HK2: variants seen among roughly 807,000 people sequenced by gnomAD.
HK2 encodes the protein hexokinase 2, also known as hexokinase-2.
A neutral mutation model predicts 92.9 loss-of-function variants in HK2; 42 were observed. That is an observed-to-expected ratio of 0.45 (90% confidence interval 0.35 to 0.58). HK2 has a LOEUF of 0.58. HK2 is among the 20% of genes least tolerant of loss of function. The pLI, the probability that HK2 is intolerant of heterozygous loss-of-function variation, is 0.00. For missense variants in HK2, 978 were observed against 1,245.1 expected (o/e 0.79, Z 3.23); for synonymous variants, 422 against 468.0 (o/e 0.90, Z 1.27).
Position 74,891,411 on chromosome 2 carries a change from T to G in HK2, c.*470T>G, listed in dbSNP as rs1689674338. ...TGAGGATGTGAGCCTGATTATCCTA[T>G]AGGCAGACGTGGGGAGGGTGGAGGG... is the stretch of plus-strand genomic sequence containing the variant. On this transcript the variant is annotated 3_prime_UTR_variant, in exon 18 of 18. Coordinates refer to ENST00000290573, the MANE Select transcript of HK2 (RefSeq NM_000189.5). The G allele has an allele frequency of 5.1e-6, 1 of 197,538 alleles. No homozygotes were observed. Among genetic ancestry groups the G allele is most frequent in the Non-Finnish European group, 1.1e-5 (1 of 94,300 alleles). 12.2% of individuals were successfully genotyped at this position (197,538 alleles called of 1,614,324 possible). A position where few individuals can be genotyped will look rare whatever the true frequency, so the allele number is the denominator to read the frequency against.
chr2:74,864,651 G>A (rs1019538322), intron 2 of HK2, among the ~76,000 whole-genome samples: 8 of 152,024 alleles, frequency 5.3e-5, no homozygotes, highest in African/African-American at 1.4e-4. Flanking sequence ...GGATTACAGG[G>A]CTACGCCACC....
At chr2:74,836,955 A>G (rs1490909635) in intron 1 of HK2, among the ~76,000 whole-genome samples, 2 of 152,208 alleles carry the variant, frequency 1.3e-5, no homozygotes, top group South Asian at 2.1e-4. Context: ...CACCTGCCCA[A>G]CGAGGTCACT....
At chr2:74,840,840 A>C (rs1688294913) in intron 1 of HK2, among the ~76,000 whole-genome samples, 1 of 143,508 alleles carries the variant, frequency 7.0e-6, no homozygotes, top group Non-Finnish European at 1.5e-5. Flanking sequence ...GATCGCACCA[A>C]TGCACTCCAG....
rs1036916807 is a variant in HK2 at position 74,893,256 on chromosome 2, G to A, written c.*2315G>A. The A allele has an allele frequency of 6.6e-6, 1 of 152,162 alleles. No homozygotes were observed. Among genetic ancestry groups the A allele is most frequent in the Admixed American group, 6.5e-5 (1 of 15,288 alleles). 9.4% of individuals were successfully genotyped at this position (152,162 alleles called of 1,614,324 possible). ...ATCATCTCAAATCCTTGAGCACTCA[G>A]TCTAGTGAAGATGTTGTCATTATGT... On this transcript the variant is annotated 3_prime_UTR_variant, in exon 18 of 18. Coordinates refer to ENST00000290573, the MANE Select transcript of HK2 (RefSeq NM_000189.5).
intron 1 of HK2, among the ~76,000 whole-genome samples, chr2:74,843,141 G>T (rs983111849): frequency 6.6e-6 from 1 of 152,072 alleles, no homozygotes; most frequent in South Asian, 2.1e-4. Context: ...TGGCCCCACC[G>T]ACCCCTGGAA....
Position 74,834,653 on chromosome 2 carries a change from C to A in HK2, c.63+10C>A, listed in dbSNP as rs1688105718. On this transcript the variant is annotated intron_variant, in intron 1 of 17. Coordinates refer to ENST00000290573, the MANE Select transcript of HK2 (RefSeq NM_000189.5). This position sits in a 1 kb window ranked among gnomAD's most constrained non-coding sequence, Gnocchi z 4.2. ...TGACCAAGTGCAGAAGGTAAGTCAG[C>A]GCGGGCGGGGCGGCAGGCTGGGCTC... 1.9e-6 allele frequency: 3 copies of A among 1,613,728 alleles called. No homozygotes were observed. Among genetic ancestry groups the A allele is most frequent in the African/African-American group, 1.3e-5 (1 of 74,932 alleles).
chr2:74,834,574 C>T lies in HK2; in HGVS notation c.-7C>T, dbSNP rs781594233. ...TTCCCAACTCTGCGCCGTCGGGCCG[C>T]GGCAGGATGATTGCCTCGCATCTGC... is the stretch of plus-strand genomic sequence containing the variant. On this transcript the variant is annotated 5_prime_UTR_variant, in exon 1 of 18. Transcript: ENST00000290573. This position sits in a 1 kb window ranked among gnomAD's most constrained non-coding sequence, Gnocchi z 4.2. 6.2e-7 allele frequency: 1 copy of T among 1,613,852 alleles called. No individual in the cohort carries two copies. Among genetic ancestry groups the T allele is most frequent in the South Asian group, 1.1e-5 (1 of 91,088 alleles).
chr2:74,876,470 T>C (rs1320877783), intron 7 of HK2, among the ~76,000 whole-genome samples: 1 of 152,208 alleles, frequency 6.6e-6, no homozygotes, highest in Non-Finnish European at 1.5e-5. Context: ...TGCCACCTAG[T>C]GTTAAAATTA....
chr2:74,871,985 T>C (rs1380523375), intron 3 of HK2, among the ~76,000 whole-genome samples: 9 of 152,202 alleles, frequency 5.9e-5, no homozygotes, highest in Non-Finnish European at 1.3e-4. Context: ...TTCTGATTAA[T>C]GTTGGCCATG....
At chr2:74,864,464 C>T (rs1452831075) in intron 2 of HK2, among the ~76,000 whole-genome samples, 1 of 152,080 alleles carries the variant, frequency 6.6e-6, no homozygotes, top group Non-Finnish European at 1.5e-5. Context: ...GATCTATTAA[C>T]GGAGGAATAA....
intron 4 of HK2, 144 bp from the exon 5 acceptor site, chr2:74,873,132 A>C: frequency 5.5e-6 from 4 of 725,416 alleles, no homozygotes; most frequent in Non-Finnish European, 1.0e-5. Context: ...TCTTTTTCCT[A>C]GGCTAGCCAG....
intron 12 of HK2, among the ~76,000 whole-genome samples, chr2:74,884,490 C>T (rs943633622): frequency 6.6e-6 from 1 of 152,220 alleles, no homozygotes; most frequent in African/African-American, 2.4e-5. Flanking sequence ...ACATGTGAAG[C>T]TAACTTGTAG....
chr2:74,866,977 A>G (rs941912708), intron 2 of HK2, among the ~76,000 whole-genome samples: 6 of 152,110 alleles, frequency 3.9e-5, no homozygotes, highest in African/African-American at 1.5e-4. Context: ...ATATGCAAAC[A>G]TTAGAAAGTA....
intron 5 of HK2, 91 bp from the exon 6 acceptor site, chr2:74,873,753 A>AGGAGGAG (rs1689157404): frequency 1.3e-5 from 10 of 794,828 alleles, no homozygotes; most frequent in Non-Finnish European, 2.2e-5. Context: ...GAGAAGGAGG[A>AGGAGGAG]GGAGGAGGAG....
At chr2:74,840,000 G>T (rs1335726906) in intron 1 of HK2, among the ~76,000 whole-genome samples, 1 of 130,544 alleles carries the variant, frequency 7.7e-6, no homozygotes, top group East Asian at 2.3e-4. Context: ...CTGTCGCCCA[G>T]GCTGGAGTAC....
In HK2 at chr2:74,889,473, T is replaced by A. The variant is rs1689621411; in HGVS notation, c.2604T>A (p.His868Gln). The A allele has an allele frequency of 3.7e-6, 6 of 1,603,722 alleles. No homozygotes were observed. The highest frequency in any genetic ancestry group is 1.3e-5 in the African/African-American group (1 of 74,700). The change falls in exon 17 of 18, where the codon CAT becomes CAA. Residue 868 changes from histidine to glutamine, a missense_variant. His to Gln is a conservative substitution (Grantham distance 24). This residue lies in a region of HK2 where 742 missense variants were observed against 922.5 expected (regional missense o/e 0.80). Coordinates refer to ENST00000290573, the MANE Select transcript of HK2 (RefSeq NM_000189.5). ...VGVDGTLYKLHPHFAKVMHET... is the reference protein window; with the variant it reads ...VGVDGTLYKLQPHFAKVMHET... ...TGGATGGGACCCTCTACAAGCTACATCCTCAGTGAGTGCCTGATCCCAGCC... is the reference window on the plus strand; with the variant it reads ...TGGATGGGACCCTCTACAAGCTACAACCTCAGTGAGTGCCTGATCCCAGCC...
intron 1 of HK2, among the ~76,000 whole-genome samples, chr2:74,839,973 T>TTG (rs1688264209): frequency 8.2e-6 from 1 of 122,192 alleles, no homozygotes; most frequent in Non-Finnish European, 1.8e-5. Flanking sequence ...TTTTTTTTTT[T>TTG]GAGATGGAGT....
chr2:74,865,745 A>G (rs1688930529), intron 2 of HK2, among the ~76,000 whole-genome samples: 1 of 152,092 alleles, frequency 6.6e-6, no homozygotes. Context: ...CACTGGAGCC[A>G]ATTCCAGTGA....
Position 74,886,249 on chromosome 2 carries a change from A to G in HK2, c.1936-45A>G, listed in dbSNP as rs748444782. 13 of 1,352,966 alleles carry G rather than the reference A, an allele frequency of 9.6e-6. No homozygotes were observed. In the African/African-American group the frequency reaches 1.3e-4, roughly 13 times the overall value. 83.8% of individuals were successfully genotyped at this position (1,352,966 alleles called of 1,614,324 possible). On this transcript the variant is annotated intron_variant, in intron 13 of 17. Transcript: ENST00000290573. ...CCATGCAATTGTCTGAAAGGAGAAT[A>G]TTGGGGTTCACCTGTGAACTGGGCA... is the stretch of plus-strand genomic sequence containing the variant.
Sources: gnomAD v4.1 joint callset for allele counts (sites outside exome capture counted in the v4.1 genomes callset) on GRCh38, gnomAD v4.1.1 for gene constraint, gnomAD v4.1.1 regional missense constraint, Gnocchi (gnomAD v3.1) non-coding constraint, MANE v1.5 for transcripts, NCBI Gene and HGNC (gene_info 2026-07-23, HGNC 2026-07-21) for gene names.